Variants in DECR2 observed in about 807,000 individuals in gnomAD.
DECR2 encodes the protein 2,4-dienoyl-CoA reductase 2.
DECR2 carries 34 observed loss-of-function variants against 29.2 expected under a neutral mutation model. The ratio of observed to expected loss-of-function variants is 1.16; its 90% CI spans 0.89 to 1.55. The LOEUF (loss-of-function observed/expected upper bound fraction) is 1.55, where lower values mean the gene tolerates loss of function less well. Among genes scored for constraint, DECR2 ranks in the 40% most tolerant of loss-of-function variants. DECR2 has a pLI of 0.00. For synonymous variants in DECR2, 224 were observed against 182.7 expected (o/e 1.23, Z -1.82); for missense variants, 485 against 425.3 (o/e 1.14, Z -1.23).
chr16:406,206 A>C, intron 2 of DECR2, 140 bp from the exon 3 acceptor site: 1 of 818,296 alleles, frequency 1.2e-6, no homozygotes, highest in South Asian at 1.7e-5. Flanking sequence ...AGTCCTGTTC[A>C]CGCCCCTGTG....
chr16:402,749 C>T lies in DECR2; in HGVS notation c.80+706C>T, dbSNP rs188041778. ...CTGTAATCCCAGCTCTTTGGGAGGC[C>T]GAAGCGGGTAGATCACCAGAGGTCA... On this transcript the variant is annotated intron_variant, in intron 1 of 8. Coordinates refer to ENST00000219481, the MANE Select transcript of DECR2 (RefSeq NM_020664.4). Among the ~76,000 whole-genome samples, 6 of 151,940 alleles carry T rather than the reference C, an allele frequency of 3.9e-5. No homozygotes were observed. The East Asian group carries it at 7.9e-4, about 20-fold the overall frequency.
At chr16:406,271 T>G (rs1597199569) in intron 2 of DECR2, 75 bp from the exon 3 acceptor site, 1 of 1,492,308 alleles carries the variant, frequency 6.7e-7, no homozygotes, top group South Asian at 1.2e-5. Flanking sequence ...GAGAGACTCC[T>G]GCTCAGGAGC....
In DECR2 at chr16:410,981, C is replaced by A. The variant is rs145686298; in HGVS notation, c.566C>A (p.Thr189Lys). ...GSAKAAVDAM[T>K]RHLAVEWGPQ... ...ACTTTCTTCTGTGCAGACGCGATGA[C>A]GCGGCACTTGGCTGTGGAGTGGGGT... Residue 189 changes from threonine to lysine, a missense_variant, in exon 7 of 9, where the codon ACG becomes AAG. By Grantham distance (78) the Thr-to-Lys change is moderately conservative. Coordinates refer to ENST00000219481, the MANE Select transcript of DECR2 (RefSeq NM_020664.4). This position sits in a 1 kb window ranked among gnomAD's most constrained non-coding sequence, Gnocchi z 4.1. The A allele has an allele frequency of 7.5e-6, 12 of 1,599,202 alleles. No individual in the cohort carries two copies. Among genetic ancestry groups the A allele is most frequent in the African/African-American group, 1.3e-5 (1 of 74,760 alleles).
Position 411,033 on chromosome 16 carries a change from C to A in DECR2, c.618C>A (p.Leu206=). ...WGPQNIRVNS[L]APGPISGTEG... The stretch of plus-strand genomic sequence containing the variant: ...CCCAAAACATCCGCGTCAACAGCCT[C>A]GCCCCTGGCCCCATCAGTGGCACAG... The change falls in exon 7 of 9, where the codon CTC becomes CTA. Residue 206 remains leucine (L), a synonymous_variant. Transcript: ENST00000219481. The A allele has an allele frequency of 6.3e-7, 1 of 1,590,702 alleles. No homozygotes were observed.
rs1567342043 is a variant in DECR2 at position 410,503 on chromosome 16, TCCCCC to T, written c.462+137_462+141del. ...GGTGGGTGTACTCCCAGCGGGGGCC[TCCCCC>T]TGACGGCCGCCCGCTCCCTGCCCTG... On this transcript the variant is annotated intron_variant, in intron 5 of 8. Coordinates refer to ENST00000219481, the MANE Select transcript of DECR2 (RefSeq NM_020664.4). The surrounding 1 kb of genome is among the most constrained non-coding windows in gnomAD (Gnocchi z 4.1). 1.1e-4 allele frequency: 167 copies of T among 1,521,530 alleles called. 2 individuals are homozygous for T. The highest frequency in any genetic ancestry group is 2.0e-4 in the South Asian group (16 of 80,304). 94.3% of individuals were successfully genotyped at this position (1,521,530 alleles called of 1,614,324 possible). A position where few individuals can be genotyped will look rare whatever the true frequency, so the allele number is the denominator to read the frequency against.
At position 410,181 on chromosome 16, in the gene DECR2, A is replaced by C. The variant is rs571749034; in HGVS notation, c.338-62A>C. ...CACCCTCCGCTCTGCCCACCTGGCC[A>C]CCACCCACTTGGCATCCCTCTCCCC... On this transcript the variant is annotated intron_variant, in intron 4 of 8. Transcript: ENST00000219481. The surrounding 1 kb of genome is among the most constrained non-coding windows in gnomAD (Gnocchi z 4.1). 1 of 1,577,946 alleles carries C rather than the reference A, an allele frequency of 6.3e-7. No homozygotes were observed. The highest frequency in any genetic ancestry group is 1.8e-5 in the Admixed American group (1 of 56,160).
rs757988805 is a variant in DECR2, at chr16:410,289, C to A, written c.384C>A (p.Asn128Lys). The change falls in exon 5 of 9, where the codon AAC becomes AAA. Residue 128 changes from asparagine to lysine, a missense_variant. Asn to Lys is a moderately conservative substitution (Grantham distance 94). Coordinates refer to ENST00000219481, the MANE Select transcript of DECR2 (RefSeq NM_020664.4). This position sits in a 1 kb window ranked among gnomAD's most constrained non-coding sequence, Gnocchi z 4.1. Reference protein sequence around the residue: ...FLCPAGALSFNAFKTVMDIDT... With the variant: ...FLCPAGALSFKAFKTVMDIDT... The stretch of plus-strand genomic sequence containing the variant: ...GCCCCGCTGGCGCCTTGTCCTTCAA[C>A]GCCTTCAAGACCGTGATGGACATCG... 1 of 1,613,772 alleles carries A rather than the reference C, an allele frequency of 6.2e-7. No homozygotes were observed.
At chr16:407,375 T>C (rs1237686009) in intron 3 of DECR2, 50 bp from the exon 4 acceptor site, 1 of 1,554,810 alleles carries the variant, frequency 6.4e-7, no homozygotes, top group African/African-American at 1.4e-5. Flanking sequence ...AGGCCTTTTC[T>C]CCAGGCCGAG....
rs773584317 is a variant in DECR2 at position 410,164 on chromosome 16, G to A, written c.338-79G>A. On this transcript the variant is annotated intron_variant, in intron 4 of 8. Transcript: ENST00000219481. The surrounding 1 kb of genome is among the most constrained non-coding windows in gnomAD (Gnocchi z 4.1). ...ACCTGGGCTCCCTCCTGCACCCTCCGCTCTGCCCACCTGGCCACCACCCAC... is the reference window on the plus strand; with the variant it reads ...ACCTGGGCTCCCTCCTGCACCCTCCACTCTGCCCACCTGGCCACCACCCAC... The A allele has an allele frequency of 9.0e-6, 14 of 1,552,978 alleles. No individual in the cohort carries two copies. The highest frequency in any genetic ancestry group is 3.5e-5 in the South Asian group (3 of 84,984).
chr16:410,522 C>T lies in DECR2; in HGVS notation c.462+155C>T, dbSNP rs2054801814. 3 of 1,368,976 alleles carry T rather than the reference C, an allele frequency of 2.2e-6. No individual in the cohort carries two copies. Among genetic ancestry groups the T allele is most frequent in the Non-Finnish European group, 3.0e-6 (3 of 1,001,380 alleles). The allele number at this position is 1,368,976 out of a possible 1,614,324, so 84.8% of individuals were successfully genotyped here. The stretch of plus-strand genomic sequence containing the variant: ...GGGGCCTCCCCCTGACGGCCGCCCG[C>T]TCCCTGCCCTGGGCCTCCCCATGAC... On this transcript the variant is annotated intron_variant, in intron 5 of 8. Coordinates refer to ENST00000219481, the MANE Select transcript of DECR2 (RefSeq NM_020664.4). The surrounding 1 kb of genome is among the most constrained non-coding windows in gnomAD (Gnocchi z 4.1).
chr16:408,292 C>A (rs1281119530), intron 4 of DECR2, among the ~76,000 whole-genome samples: 1 of 151,382 alleles, frequency 6.6e-6, no homozygotes, highest in Non-Finnish European at 1.5e-5. Flanking sequence ...CATCTCCGGC[C>A]CCCTGTCTCC....
rs538871943 is a variant in DECR2, at chr16:410,204, C to T, written c.338-39C>T. On this transcript the variant is annotated intron_variant, in intron 4 of 8. Coordinates refer to ENST00000219481, the MANE Select transcript of DECR2 (RefSeq NM_020664.4). The surrounding 1 kb of genome is among the most constrained non-coding windows in gnomAD (Gnocchi z 4.1). ...CCACCACCCACTTGGCATCCCTCTC[C>T]CCAGGCTCCAGCAGCTCCTGCGGTC... 5 of 1,601,434 alleles carry T rather than the reference C, an allele frequency of 3.1e-6. No homozygotes were observed. The highest frequency in any genetic ancestry group is 1.3e-5 in the African/African-American group (1 of 74,708).
At chr16:407,129 T>A in intron 3 of DECR2, 1 of 1,208,116 alleles carries the variant, frequency 8.3e-7, no homozygotes, top group African/African-American at 1.5e-5. Flanking sequence ...GAGGAGAGTC[T>A]CACCTGTGCC....
rs763774191 is a variant in DECR2 at position 410,323 on chromosome 16, G to T, written c.418G>T (p.Gly140Cys). 6 of 1,613,252 alleles carry T rather than the reference G, an allele frequency of 3.7e-6. No individual in the cohort carries two copies. The South Asian group carries it at 6.6e-5, about 18-fold the overall frequency. Residue 140 changes from glycine to cysteine, a missense_variant, in exon 5 of 9, where the codon GGC (glycine) becomes TGC (cysteine). By Grantham distance (159) the Gly-to-Cys change is radical. Transcript: ENST00000219481. This position sits in a 1 kb window ranked among gnomAD's most constrained non-coding sequence, Gnocchi z 4.1. ...FKTVMDIDTS[G>C]TFNVSRVLYE... is the part of the protein sequence containing the mutation. ...GACCGTGATGGACATCGATACCAGC[G>T]GCACCTTCAATGTGTCTCGTGTGCT... is the stretch of plus-strand genomic sequence containing the variant.
At chr16:405,731 A>G (rs1273799016) in intron 2 of DECR2, 27 of 605,824 alleles carry the variant, frequency 4.5e-5, no homozygotes, top group South Asian at 3.3e-4. Context: ...GGGCGTCTCC[A>G]TGCTGTTACC....
At chr16:403,798 A>G (rs1256019837) in intron 1 of DECR2, among the ~76,000 whole-genome samples, 1 of 152,214 alleles carries the variant, frequency 6.6e-6, no homozygotes, top group Non-Finnish European at 1.5e-5. Flanking sequence ...GGATCCTTCT[A>G]GCCCAAGAGG....
At chr16:408,977 G>A (rs539484987) in intron 4 of DECR2, among the ~76,000 whole-genome samples, 4 of 150,836 alleles carry the variant, frequency 2.7e-5, no homozygotes, top group Admixed American at 1.3e-4. Flanking sequence ...GATTACAGGC[G>A]CCCGCTACCA....
chr16:402,056 T>C lies in DECR2; in HGVS notation c.80+13T>C. On this transcript the variant is annotated intron_variant, in intron 1 of 8. Transcript: ENST00000219481. ...CGGACCTGCTGCGGTGAGCGGGGCC[T>C]GGGAAGCGAGCGCAGCCTTGGTGCG... The C allele has an allele frequency of 2.2e-6, 3 of 1,371,306 alleles. No homozygotes were observed. Among genetic ancestry groups the C allele is most frequent in the South Asian group, 1.6e-5 (1 of 62,308 alleles). The allele number at this position is 1,371,306 out of a possible 1,614,324, so 84.9% of individuals were successfully genotyped here. A position where few individuals can be genotyped will look rare whatever the true frequency, so the allele number is the denominator to read the frequency against.
intron 1 of DECR2, among the ~76,000 whole-genome samples, chr16:403,272 G>A (rs1193634639): frequency 3.3e-5 from 5 of 151,948 alleles, no homozygotes; most frequent in African/African-American, 9.7e-5. Context: ...CACCTGCCTC[G>A]GCCTCCCAAA....
Sources: allele counts gnomAD v4.1 joint callset (sites outside exome capture counted in the v4.1 genomes callset), GRCh38; gene constraint gnomAD v4.1.1; non-coding constraint Gnocchi (gnomAD v3.1); transcripts MANE v1.5; gene names NCBI Gene and HGNC (gene_info 2026-07-23, HGNC 2026-07-21).